The following BPTF variants were observed in gnomAD, a reference collection of about 807,000 sequenced individuals.
BPTF encodes the protein nucleosome-remodeling factor subunit BPTF.
Under a neutral mutation model 292.5 loss-of-function variants are expected in BPTF, and 18 were observed. The ratio of observed to expected loss-of-function variants is 0.06; its 90% confidence interval spans 0.04 to 0.09. BPTF has a LOEUF of 0.09. Among genes scored for constraint, BPTF ranks in the 10% least tolerant of loss-of-function variants. The pLI is 1.00. For missense variants in BPTF, 2,726 were observed against 3,498.7 expected, an observed-to-expected ratio of 0.78 and a Z score of 5.57; for synonymous variants, 1,225 against 1,251.9, an observed-to-expected ratio of 0.98 and a Z score of 0.45.
intron 2 of BPTF, among the ~76,000 whole-genome samples, chr17:67,856,008 T>C (rs2058669713): frequency 6.6e-6 from 1 of 152,208 alleles, no homozygotes; most frequent in African/African-American, 2.4e-5. Context: ...TTGGTGGGCA[T>C]TTTCAATCTG....
chr17:67,870,087 A>G (rs114339338), intron 3 of BPTF, among the ~76,000 whole-genome samples: 292 of 151,960 alleles, frequency 1.9e-3, no homozygotes, highest in African/African-American at 6.8e-3. Context: ...TTAGGCCACA[A>G]TATGTTCTTA....
intron 1 of BPTF, among the ~76,000 whole-genome samples, chr17:67,834,668 CTATCTT>C (rs1226243503): frequency 1.3e-5 from 2 of 152,146 alleles, no homozygotes; most frequent in Non-Finnish European, 2.9e-5. Context: ...CCCTTTATCT[CTATCTT>C]TATCTGTTAA....
chr17:67,958,731 G>A (rs1246560467), intron 23 of BPTF, among the ~76,000 whole-genome samples: 4 of 151,680 alleles, frequency 2.6e-5, no homozygotes, highest in South Asian at 4.2e-4. Context: ...TTGGGAGGCC[G>A]AGGCGGGTGG....
Position 67,931,986 on chromosome 17 carries a change from G to T in BPTF, c.6226G>T (p.Ala2076Ser). ...TPLQQSTLGK[A>S]IIRTPVMVQP... ...ACTCCAACAGTCAACACTAGGAAAG[G>T]CAATTATTCGAACACCTGTGATGGT... Residue 2076 changes from alanine to serine, a missense_variant, in exon 18 of 28, where the codon GCA (alanine) becomes TCA (serine). Physicochemically the swap from Ala to Ser is moderately conservative, Grantham distance 99 (BLOSUM62 1). This residue lies in a region of BPTF where 570 missense variants were observed against 633.5 expected (regional missense o/e 0.90). Coordinates refer to ENST00000306378, the MANE Select transcript of BPTF (RefSeq NM_182641.4). 6.2e-7 allele frequency: 1 copy of T among 1,614,050 alleles called. No individual in the cohort carries two copies. The highest frequency in any genetic ancestry group is 8.5e-7 in the Non-Finnish European group (1 of 1,179,976).
intron 26 of BPTF, chr17:67,975,047 C>T (rs1023698887): frequency 2.6e-5 from 4 of 152,154 alleles, no homozygotes; most frequent in Non-Finnish European, 5.9e-5. Context: ...AACCACCAGT[C>T]ATTAACATAT....
At chr17:67,882,551 A>G (rs1238909906) in intron 4 of BPTF, among the ~76,000 whole-genome samples, 3 of 152,232 alleles carry the variant, frequency 2.0e-5, no homozygotes, top group African/African-American at 7.2e-5. Context: ...AATAAGAGGA[A>G]GTGATTTATT....
At chr17:67,927,647 T>C (rs1163993010) in intron 15 of BPTF, among the ~76,000 whole-genome samples, 2 of 152,222 alleles carry the variant, frequency 1.3e-5, no homozygotes, top group Non-Finnish European at 2.9e-5. Context: ...ATCTCACCGC[T>C]GAGCAGCATG....
At chr17:67,940,249 A>T (rs2065257808) in intron 18 of BPTF, among the ~76,000 whole-genome samples, 190 bp from the exon 19 acceptor site, 1 of 152,190 alleles carries the variant, frequency 6.6e-6, no homozygotes, top group Admixed American at 6.5e-5. Context: ...TGGCAGTGAA[A>T]ACAGACTCAC....
At chr17:67,948,951 A>G (rs2066020743) in intron 23 of BPTF, among the ~76,000 whole-genome samples, 1 of 152,264 alleles carries the variant, frequency 6.6e-6, no homozygotes, top group Admixed American at 6.5e-5. Flanking sequence ...ACTGCACTGC[A>G]GCCTGGGCAA....
rs533172396 is a variant in BPTF, at chr17:67,849,101, T to C, written c.614-4839T>C. Among the ~76,000 whole-genome samples the C allele has an allele frequency of 2.0e-5, 3 of 152,288 alleles. No homozygotes were observed. In the East Asian group the frequency reaches 5.8e-4, roughly 29 times the overall value. ...CCTTGCATGAGTTTCCAAAACCCTT[T>C]CTGCTTGGTAAGGGGAGTATCCATT... On this transcript the variant is annotated intron_variant, in intron 1 of 27. Coordinates refer to ENST00000306378, the MANE Select transcript of BPTF (RefSeq NM_182641.4).
intron 7 of BPTF, among the ~76,000 whole-genome samples, chr17:67,902,794 C>A (rs376606835): frequency 1.1e-4 from 17 of 152,204 alleles, no homozygotes; most frequent in African/African-American, 3.9e-4. Context: ...GCATCACTAC[C>A]CCAAGTTAAC....
At chr17:67,842,211 A>G (rs1444692328) in intron 1 of BPTF, among the ~76,000 whole-genome samples, 2 of 152,140 alleles carry the variant, frequency 1.3e-5, no homozygotes, top group Non-Finnish European at 1.5e-5. Flanking sequence ...CATACATTGT[A>G]TATATACATA....
chr17:67,893,350 C>G lies in BPTF; in HGVS notation c.2056-20C>G, dbSNP rs1555638621. ...CTTTGATTGACATAAATAATGCAGT[C>G]TTTTTATTTTTTTGGTCAGGTACTG... is the stretch of plus-strand genomic sequence containing the variant. On this transcript the variant is annotated intron_variant, in intron 5 of 27. Coordinates refer to ENST00000306378, the MANE Select transcript of BPTF (RefSeq NM_182641.4). The G allele has an allele frequency of 2.7e-5, 39 of 1,461,780 alleles. No homozygotes were observed. Among genetic ancestry groups the G allele is most frequent in the Non-Finnish European group, 3.6e-5 (38 of 1,044,048 alleles). The allele number at this position is 1,461,780 out of a possible 1,614,324, so 90.6% of individuals were successfully genotyped here. A position where few individuals can be genotyped will look rare whatever the true frequency, so the allele number is the denominator to read the frequency against.
intron 8 of BPTF, 78 bp from the exon 9 acceptor site, chr17:67,904,624 A>T (rs533010393): frequency 8.9e-7 from 1 of 1,123,934 alleles, no homozygotes; most frequent in East Asian, 2.8e-5. Context: ...CTTGTTTGGT[A>T]AAAATGCATA....
chr17:67,866,407 G>A, intron 2 of BPTF, 57 bp from the exon 3 acceptor site: 1 of 1,325,712 alleles, frequency 7.5e-7, no homozygotes, highest in Non-Finnish European at 1.1e-6. Flanking sequence ...TAGATGAACT[G>A]TCAGATAAGT....
chr17:67,969,736 G>C (rs2068555096), intron 26 of BPTF, among the ~76,000 whole-genome samples: 1 of 152,046 alleles, frequency 6.6e-6, no homozygotes, highest in South Asian at 2.1e-4. Flanking sequence ...GCCAAGGCAG[G>C]TGGATAGCTT....
At chr17:67,916,731 A>C (rs1598632440) in intron 11 of BPTF, among the ~76,000 whole-genome samples, 2 of 144,802 alleles carry the variant, frequency 1.4e-5, no homozygotes, top group Middle Eastern at 3.6e-3. Flanking sequence ...GCTCCACTGC[A>C]CTCCAGCCTG....
intron 7 of BPTF, among the ~76,000 whole-genome samples, chr17:67,901,159 A>T (rs1360388653): frequency 6.6e-6 from 1 of 152,226 alleles, no homozygotes. Context: ...GCAAATCAGT[A>T]GATAAAATAC....
chr17:67,973,035 ATTTATATATATATATAT>A (rs1166604708), intron 26 of BPTF, among the ~76,000 whole-genome samples: 5 of 143,018 alleles, frequency 3.5e-5, no homozygotes, highest in East Asian at 4.1e-4. Flanking sequence ...AAATATATAT[ATTTATATATATATATAT>A]TTTATATATA....
Sources: allele counts gnomAD v4.1 joint callset (sites outside exome capture counted in the v4.1 genomes callset), GRCh38; gene constraint gnomAD v4.1.1; regional missense constraint gnomAD v4.1.1; transcripts MANE v1.5; gene names NCBI Gene and HGNC (gene_info 2026-07-23, HGNC 2026-07-21).